Variants in AGPAT4 observed in about 807,000 individuals in gnomAD.
AGPAT4 encodes 1-acyl-sn-glycerol-3-phosphate acyltransferase delta.
Under a neutral mutation model 48.0 loss-of-function variants are expected in AGPAT4, and 15 were observed. The ratio of observed to expected loss-of-function variants is 0.31; its 90% CI spans 0.21 to 0.48. The LOEUF is 0.48. AGPAT4 is among the 20% of genes least tolerant of loss of function. The probability of loss-of-function intolerance (pLI) is 0.99; values close to 1 mark genes in which losing one functional copy is unlikely to be tolerated. For missense variants in AGPAT4, 314 were observed against 482.5 expected (o/e 0.65, Z 3.27); for synonymous variants, 178 against 198.7 (o/e 0.90, Z 0.88).
intron 2 of AGPAT4, among the ~76,000 whole-genome samples, chr6:161,199,979 T>C (rs1781181669): frequency 2.0e-5 from 3 of 152,094 alleles, no homozygotes. Flanking sequence ...CAACGGCTTG[T>C]TCCTTAAAAG....
intron 2 of AGPAT4, among the ~76,000 whole-genome samples, chr6:161,228,935 TTA>T (rs1782054368): frequency 6.6e-6 from 1 of 151,964 alleles, no homozygotes; most frequent in Non-Finnish European, 1.5e-5. Context: ...TTTCAAGTTG[TTA>T]TTTATGAGGT....
rs1269052812 is a variant in AGPAT4, at chr6:161,240,169, C to A, written c.-89-7867G>T. 1.3e-5 allele frequency among the ~76,000 whole-genome samples: 2 copies of A among 149,276 alleles called. No homozygotes were observed. The highest frequency in any genetic ancestry group is 6.7e-5 in the Admixed American group (1 of 14,910). On this transcript the variant is annotated intron_variant, in intron 1 of 8. Transcript: ENST00000320285. The surrounding 1 kb of genome is among the most constrained non-coding windows in gnomAD (Gnocchi z 5.5). ...AATAATCACAACTCTAAAAAAAAAA[C>A]CGGAAGAAAAGAAAGCCTTACCAAA...
intron 2 of AGPAT4, among the ~76,000 whole-genome samples, chr6:161,173,321 T>A (rs1780333660): frequency 6.6e-6 from 1 of 152,254 alleles, no homozygotes; most frequent in Admixed American, 6.5e-5. Flanking sequence ...TCCTGGCTTT[T>A]TAATGATCGC....
rs188312974 is a variant in AGPAT4 at position 161,200,182 on chromosome 6, C to T, written c.178+31854G>A. On this transcript the variant is annotated intron_variant, in intron 2 of 8. Coordinates refer to ENST00000320285, the MANE Select transcript of AGPAT4 (RefSeq NM_020133.3). The surrounding 1 kb of genome is among the most constrained non-coding windows in gnomAD (Gnocchi z 5.5). ...GAAATTCTGTGTTCACCCTTCAGCC[C>T]GGTCCCCATGAGAAAAAATGTCAAA... Among the ~76,000 whole-genome samples, 45 of 152,284 alleles carry T rather than the reference C, an allele frequency of 3.0e-4. No individual in the cohort carries two copies. Among genetic ancestry groups the T allele is most frequent in the East Asian group, 2.9e-3 (15 of 5,184 alleles).
At chr6:161,183,853 C>T (rs1342551914) in intron 2 of AGPAT4, among the ~76,000 whole-genome samples, 1 of 151,272 alleles carries the variant, frequency 6.6e-6, no homozygotes, top group Non-Finnish European at 1.5e-5. Flanking sequence ...TCTCTGGGGA[C>T]ATGGGGAAGC....
Position 161,143,761 on chromosome 6 carries a change from T to C in AGPAT4, c.843+2763A>G, listed in dbSNP as rs1172400522. Among the ~76,000 whole-genome samples, 1 of 152,226 alleles carries C rather than the reference T, an allele frequency of 6.6e-6. No homozygotes were observed. Among genetic ancestry groups the C allele is most frequent in the Non-Finnish European group, 1.5e-5 (1 of 68,036 alleles). On this transcript the variant is annotated intron_variant, in intron 7 of 8. Transcript: ENST00000320285. The surrounding 1 kb of genome is among the most constrained non-coding windows in gnomAD (Gnocchi z 4.7). ...GGCCCTGTTTTCAGAGATGGTGCCT[T>C]TCCCATATTAAAGAGTATAACTGTG...
Position 161,149,610 on chromosome 6 carries a change from C to T in AGPAT4, c.665-321G>A, listed in dbSNP as rs1376517666. ...ACCCAGGAGTGCAGTGGTGCAATCTCGGCTCACTACAACCTCTGCCTCCCG... is the reference window on the plus strand; with the variant it reads ...ACCCAGGAGTGCAGTGGTGCAATCTTGGCTCACTACAACCTCTGCCTCCCG... On this transcript the variant is annotated intron_variant, in intron 5 of 8. Transcript: ENST00000320285. This position sits in a 1 kb window ranked among gnomAD's most constrained non-coding sequence, Gnocchi z 6.5. Among the ~76,000 whole-genome samples, 1 of 151,962 alleles carries T rather than the reference C, an allele frequency of 6.6e-6. No homozygotes were observed. The highest frequency in any genetic ancestry group is 1.5e-5 in the Non-Finnish European group (1 of 67,996).
intron 3 of AGPAT4, chr6:161,160,992 G>A (rs1471139403): frequency 2.2e-6 from 1 of 456,272 alleles, no homozygotes; most frequent in African/African-American, 2.0e-5. Flanking sequence ...CAGGCAGATG[G>A]GGCATCAGAG....
Position 161,217,797 on chromosome 6 carries a change from G to A in AGPAT4, c.178+14239C>T, listed in dbSNP as rs1781689714. ...GAAACCTCCTCCCCTGACCCCGCCT[G>A]CCCAGGCCACTGCCCTGGGACAGGA... On this transcript the variant is annotated intron_variant, in intron 2 of 8. Coordinates refer to ENST00000320285, the MANE Select transcript of AGPAT4 (RefSeq NM_020133.3). This position sits in a 1 kb window ranked among gnomAD's most constrained non-coding sequence, Gnocchi z 4.9. Among the ~76,000 whole-genome samples, 1 of 152,214 alleles carries A rather than the reference G, an allele frequency of 6.6e-6. No homozygotes were observed. The highest frequency in any genetic ancestry group is 6.5e-5 in the Admixed American group (1 of 15,284).
rs896624230 is a variant in AGPAT4, at chr6:161,146,437, G to A, written c.843+87C>T. 75 of 1,316,992 alleles carry A rather than the reference G, an allele frequency of 5.7e-5. No individual in the cohort carries two copies. Among genetic ancestry groups the A allele is most frequent in the East Asian group, 1.9e-4 (8 of 42,770 alleles). 81.6% of individuals were successfully genotyped at this position (1,316,992 alleles called of 1,614,324 possible). On this transcript the variant is annotated intron_variant, in intron 7 of 8. Transcript: ENST00000320285. The surrounding 1 kb of genome is among the most constrained non-coding windows in gnomAD (Gnocchi z 7.1). Reference sequence around the variant, plus strand: ...CTGGCTCTGTGAGATCTCGCCCACCGGAGAAAGGCCTGCTACCACACAACA... The same window carrying A: ...CTGGCTCTGTGAGATCTCGCCCACCAGAGAAAGGCCTGCTACCACACAACA...
In AGPAT4 at chr6:161,236,182, T is replaced by C. The variant is rs763846065; in HGVS notation, c.-89-3880A>G. Among the ~76,000 whole-genome samples, 2 of 152,100 alleles carry C rather than the reference T, an allele frequency of 1.3e-5. No homozygotes were observed. Among genetic ancestry groups the C allele is most frequent in the Non-Finnish European group, 2.9e-5 (2 of 68,024 alleles). On this transcript the variant is annotated intron_variant, in intron 1 of 8. Coordinates refer to ENST00000320285, the MANE Select transcript of AGPAT4 (RefSeq NM_020133.3). This position sits in a 1 kb window ranked among gnomAD's most constrained non-coding sequence, Gnocchi z 5.0. ...TGAGGCAAGAATATGACAAAGAACT[T>C]ATGCTGTTTCTGAGCATATCAGAGC...
chr6:161,258,695 CAG>C (rs1338707106), intron 1 of AGPAT4, among the ~76,000 whole-genome samples: 1 of 152,046 alleles, frequency 6.6e-6, no homozygotes, highest in Non-Finnish European at 1.5e-5. Flanking sequence ...ACACCATCCA[CAG>C]AGAGTCATTA....
intron 1 of AGPAT4, among the ~76,000 whole-genome samples, chr6:161,263,080 C>T (rs1041233041): frequency 2.0e-5 from 3 of 152,082 alleles, no homozygotes; most frequent in Non-Finnish European, 2.9e-5. Context: ...GGAAAAAGAG[C>T]AAAGGCAGAC....
rs192512577 is a variant in AGPAT4 at position 161,185,326 on chromosome 6, C to T, written c.179-18909G>A. On this transcript the variant is annotated intron_variant, in intron 2 of 8. Transcript: ENST00000320285. The stretch of plus-strand genomic sequence containing the variant: ...TTTTTCCAAAGACAGGGTCTCACTC[C>T]GTCACCCAGGCTGGAGTGCAGTAGT... 8.1e-3 allele frequency among the ~76,000 whole-genome samples: 1,185 copies of T among 145,584 alleles called. 8 individuals are homozygous for T. Among genetic ancestry groups the T allele is most frequent in the Non-Finnish European group, 0.013 (844 of 66,842 alleles).
At position 161,136,584 on chromosome 6, in the gene AGPAT4, A is replaced by G; in HGVS notation, c.1093T>C (p.Ser365Pro). The G allele has an allele frequency of 6.2e-7, 1 of 1,614,226 alleles. No individual in the cohort carries two copies. The highest frequency in any genetic ancestry group is 8.5e-7 in the Non-Finnish European group (1 of 1,180,052). ...MIGVTEIDKG[S>P]AYGNSDSKQK... is the part of the protein sequence containing the mutation. ...TTGCTGTCAGAGTTGCCGTAGGCAG[A>G]GCCCTTGTCAATTTCCGTCACACCA... Residue 365 changes from serine to proline, a missense_variant, in exon 9 of 9, where the codon TCT becomes CCT. By Grantham distance (74) the Ser-to-Pro change is moderately conservative. Transcript: ENST00000320285.
Position 161,267,736 on chromosome 6 carries a change from A to C in AGPAT4, c.-90+6202T>G, listed in dbSNP as rs2114761722. ...AAACTCTGTCTCAAAAAAAAAAAGA[A>C]AAGAAAAATATTAGCTGGGCATGTT... On this transcript the variant is annotated intron_variant, in intron 1 of 8. Coordinates refer to ENST00000320285, the MANE Select transcript of AGPAT4 (RefSeq NM_020133.3). This position sits in a 1 kb window ranked among gnomAD's most constrained non-coding sequence, Gnocchi z 5.2. 6.6e-6 allele frequency among the ~76,000 whole-genome samples: 1 copy of C among 152,186 alleles called. No homozygotes were observed. The highest frequency in any genetic ancestry group is 3.4e-3 in the Middle Eastern group (1 of 294).
rs10585542 is a variant in AGPAT4, at chr6:161,203,381, C to CTTTTTT, written c.178+28649_178+28654dup. Among the ~76,000 whole-genome samples, 245 of 110,680 alleles carry CTTTTTT rather than the reference C, an allele frequency of 2.2e-3. 2 individuals are homozygous for CTTTTTT. The highest frequency in any genetic ancestry group is 4.0e-3 in the East Asian group (14 of 3,464). The allele number at this position is 110,680 out of a possible 152,430, so 72.6% of individuals were successfully genotyped here. On this transcript the variant is annotated intron_variant, in intron 2 of 8. Transcript: ENST00000320285. ...TTGTGGGAGAGTGTTCTTTTTCTTT[C>CTTTTTT]TTTTTTTTTTTTTTTTTTTTTTTTG...
chr6:161,176,458 AC>A (rs1780431252), intron 2 of AGPAT4, among the ~76,000 whole-genome samples: 1 of 151,958 alleles, frequency 6.6e-6, no homozygotes, highest in Non-Finnish European at 1.5e-5. Context: ...AGGATTTGCA[AC>A]CCCTGCTTTT....
rs1034558347 is a variant in AGPAT4, at chr6:161,143,405, A to T, written c.843+3119T>A. Among the ~76,000 whole-genome samples the T allele has an allele frequency of 4.6e-5, 7 of 152,190 alleles. No individual in the cohort carries two copies. The highest frequency in any genetic ancestry group is 1.0e-4 in the Non-Finnish European group (7 of 68,040). Reference sequence around the variant, plus strand: ...CAGCCTCACCTATTTCTTAATTTGCACTATTAATGGCCAAGTTATAGTCCC... The same window carrying T: ...CAGCCTCACCTATTTCTTAATTTGCTCTATTAATGGCCAAGTTATAGTCCC... On this transcript the variant is annotated intron_variant, in intron 7 of 8. Transcript: ENST00000320285. The surrounding 1 kb of genome is among the most constrained non-coding windows in gnomAD (Gnocchi z 4.7).
Sources: allele counts gnomAD v4.1 joint callset (sites outside exome capture counted in the v4.1 genomes callset), GRCh38; gene constraint gnomAD v4.1.1; non-coding constraint Gnocchi (gnomAD v3.1); transcripts MANE v1.5; gene names NCBI Gene and HGNC (gene_info 2026-07-23, HGNC 2026-07-21).